RPTOR: variants seen among roughly 807,000 people sequenced by gnomAD.
The protein encoded by RPTOR is regulatory associated protein of MTOR complex 1, also known as regulatory-associated protein of mTOR.
RPTOR carries 21 observed loss-of-function variants against 169.9 expected under a neutral mutation model. The ratio of observed to expected loss-of-function variants is 0.12; its 90% CI spans 0.09 to 0.18. RPTOR has a LOEUF of 0.18. RPTOR is among the 10% of genes least tolerant of loss of function. RPTOR has a pLI of 1.00. For synonymous variants in RPTOR, 732 were observed against 753.2 expected (o/e 0.97, Z 0.46); for missense variants, 1,133 against 1,855.9 (o/e 0.61, Z 7.16).
chr17:80,665,543 T>TC (rs2065771263), intron 3 of RPTOR, among the ~76,000 whole-genome samples: 1 of 145,566 alleles, frequency 6.9e-6, no homozygotes, highest in Non-Finnish European at 1.5e-5. Flanking sequence ...TCCTTTCCTT[T>TC]TCCTTTCCCC....
intron 9 of RPTOR, among the ~76,000 whole-genome samples, chr17:80,831,276 C>T (rs975931657): frequency 8.5e-5 from 13 of 152,200 alleles, no homozygotes; most frequent in African/African-American, 3.1e-4. Context: ...ACTGCCTCCT[C>T]TCCATTCCCC....
intron 20 of RPTOR, among the ~76,000 whole-genome samples, chr17:80,907,386 A>C (rs2068556742): frequency 6.6e-6 from 1 of 152,198 alleles, no homozygotes; most frequent in Non-Finnish European, 1.5e-5. Flanking sequence ...CCTGGCAGTA[A>C]ACTGGCACTC....
In RPTOR at chr17:80,708,035, C is replaced by T. The variant is rs763541539; in HGVS notation, c.507+36C>T. On this transcript the variant is annotated intron_variant, in intron 4 of 33. Transcript: ENST00000306801. This position sits in a 1 kb window ranked among gnomAD's most constrained non-coding sequence, Gnocchi z 4.2. ...CTTCCAGCTTCCTTCCCGTTTCTGC[C>T]AAAAGCCATGCCAATTGCGGTGGTC... is the stretch of plus-strand genomic sequence containing the variant. 2.4e-5 allele frequency: 39 copies of T among 1,597,148 alleles called. 1 individual carries two copies. In the South Asian group the frequency reaches 4.3e-4, roughly 17 times the overall value.
intron 3 of RPTOR, among the ~76,000 whole-genome samples, chr17:80,672,931 T>G (rs945059691): frequency 1.3e-5 from 2 of 152,090 alleles, no homozygotes; most frequent in Non-Finnish European, 2.9e-5. Flanking sequence ...TCTTTTTACA[T>G]TATTTTATTT....
In RPTOR at chr17:80,828,902, A is replaced by G. The variant is rs1157390769; in HGVS notation, c.1136+5679A>G. On this transcript the variant is annotated intron_variant, in intron 9 of 33. Coordinates refer to ENST00000306801, the MANE Select transcript of RPTOR (RefSeq NM_020761.3). The stretch of plus-strand genomic sequence containing the variant: ...TTTTATTCATGAGTATGCAAAATAT[A>G]TGTTAAATGAGAGAAACAGAACACC... Among the ~76,000 whole-genome samples, 4 of 152,232 alleles carry G rather than the reference A, an allele frequency of 2.6e-5. No individual in the cohort carries two copies. In the East Asian group the frequency reaches 7.7e-4, roughly 29 times the overall value.
At chr17:80,850,703 T>A (rs906206719) in intron 11 of RPTOR, among the ~76,000 whole-genome samples, 3 of 152,170 alleles carry the variant, frequency 2.0e-5, no homozygotes, top group Non-Finnish European at 4.4e-5. Context: ...GAATGTGGGG[T>A]CTGAAAGTAC....
intron 3 of RPTOR, among the ~76,000 whole-genome samples, chr17:80,649,968 G>A (rs1253679594): frequency 4.6e-5 from 7 of 152,220 alleles, no homozygotes; most frequent in Admixed American, 6.5e-5. Flanking sequence ...TAGATTATGC[G>A]AAGCAGTTTA....
intron 1 of RPTOR, among the ~76,000 whole-genome samples, chr17:80,601,575 A>AC (rs1567814788): frequency 6.9e-3 from 15 of 2,182 alleles, no homozygotes; most frequent in African/African-American, 0.011. Context: ...TTTTTTTTAA[A>AC]TTTATTTTTT....
At position 80,957,943 on chromosome 17, in the gene RPTOR, G is replaced by A. The variant is rs187143377; in HGVS notation, c.3477+213G>A. On this transcript the variant is annotated intron_variant, in intron 29 of 33. Transcript: ENST00000306801. The surrounding 1 kb of genome is among the most constrained non-coding windows in gnomAD (Gnocchi z 4.6). The stretch of plus-strand genomic sequence containing the variant: ...GGTGAACTGCAACACCCAGCCCTGC[G>A]CTGCAGTATGGCTCAGGCTGCGCCA... Among the ~76,000 whole-genome samples the A allele has an allele frequency of 9.2e-5, 14 of 152,374 alleles. No individual in the cohort carries two copies. Among genetic ancestry groups the A allele is most frequent in the Non-Finnish European group, 1.9e-4 (13 of 68,040 alleles).
intron 9 of RPTOR, among the ~76,000 whole-genome samples, chr17:80,829,327 C>T (rs1335058765): frequency 2.0e-5 from 3 of 152,132 alleles, no homozygotes; most frequent in Non-Finnish European, 2.9e-5. Context: ...CAGGAGGGCG[C>T]GGGCATGGGT....
chr17:80,890,204 C>T (rs1307548552), intron 17 of RPTOR, among the ~76,000 whole-genome samples: 5 of 152,194 alleles, frequency 3.3e-5, no homozygotes, highest in South Asian at 2.1e-4. Flanking sequence ...AATCGAAGGG[C>T]CCACCACCTC....
chr17:80,904,731 G>T (rs116350325), intron 20 of RPTOR, among the ~76,000 whole-genome samples: 1 of 152,042 alleles, frequency 6.6e-6, no homozygotes, highest in African/African-American at 2.4e-5. Flanking sequence ...AGTTCTCTGC[G>T]GTCTGTTTTG....
intron 1 of RPTOR, among the ~76,000 whole-genome samples, chr17:80,624,949 G>A (rs1283266846): frequency 2.0e-5 from 3 of 152,202 alleles, no homozygotes; most frequent in African/African-American, 2.4e-5. Context: ...GCTCCACCCC[G>A]ATGGGGAGTG....
chr17:80,613,931 T>A (rs1405851324), intron 1 of RPTOR, among the ~76,000 whole-genome samples: 1 of 152,248 alleles, frequency 6.6e-6, no homozygotes, highest in Non-Finnish European at 1.5e-5. Flanking sequence ...CACCCAGATG[T>A]GGCCGTGCTG....
At chr17:80,944,968 G>A (rs2144050697) in intron 25 of RPTOR, among the ~76,000 whole-genome samples, 1 of 150,048 alleles carries the variant, frequency 6.7e-6, no homozygotes, top group African/African-American at 2.5e-5. Context: ...TTCAGCCTGG[G>A]TGACAGAGCA....
chr17:80,783,884 G>C (rs915443880), intron 6 of RPTOR, among the ~76,000 whole-genome samples: 4 of 152,242 alleles, frequency 2.6e-5, no homozygotes, highest in African/African-American at 9.6e-5. Flanking sequence ...CTCCTAAATA[G>C]AGTAAACTTT....
rs529237373 is a variant in RPTOR at position 80,870,236 on chromosome 17, G to A, written c.1510-10179G>A. ...TGGATCTGGAAAGATGCTCTGTGATGGTATTCATGAAGTAAATCCAGATTT... is the reference window on the plus strand; with the variant it reads ...TGGATCTGGAAAGATGCTCTGTGATAGTATTCATGAAGTAAATCCAGATTT... On this transcript the variant is annotated intron_variant, in intron 13 of 33. Transcript: ENST00000306801. Among the ~76,000 whole-genome samples, 745 of 152,302 alleles carry A rather than the reference G, an allele frequency of 4.9e-3. 9 individuals are homozygous for A. The highest frequency in any genetic ancestry group is 5.6e-3 in the Non-Finnish European group (381 of 68,034).
chr17:80,852,748 A>G (rs569534630), intron 11 of RPTOR, among the ~76,000 whole-genome samples: 1 of 148,094 alleles, frequency 6.8e-6, no homozygotes, highest in South Asian at 2.2e-4. Context: ...CTCTTCTCCC[A>G]CCACAGGGAA....
intron 1 of RPTOR, among the ~76,000 whole-genome samples, chr17:80,623,411 G>T (rs1027686328): frequency 2.6e-5 from 4 of 152,126 alleles, no homozygotes; most frequent in African/African-American, 9.7e-5. Flanking sequence ...AAACACTCAT[G>T]AAATATCTGG....
Sources: allele counts gnomAD v4.1 joint callset (sites outside exome capture counted in the v4.1 genomes callset), GRCh38; gene constraint gnomAD v4.1.1; non-coding constraint Gnocchi (gnomAD v3.1); transcripts MANE v1.5; gene names NCBI Gene and HGNC (gene_info 2026-07-23, HGNC 2026-07-21).